The following PPP3CC variants were observed in gnomAD, a reference collection of about 807,000 sequenced individuals.
The protein encoded by PPP3CC is serine/threonine-protein phosphatase 2B catalytic subunit gamma isoform.
A neutral mutation model predicts 60.3 loss-of-function variants in PPP3CC; 35 were observed. The ratio of observed to expected loss-of-function variants is 0.58; its 90% CI spans 0.44 to 0.77. The LOEUF (loss-of-function observed/expected upper bound fraction) is 0.77, where lower values mean the gene tolerates loss of function less well. PPP3CC is among the 30% of genes least tolerant of loss of function. PPP3CC has a pLI of 0.00. For synonymous variants in PPP3CC, 206 were observed against 224.3 expected (o/e 0.92, Z 0.73); for missense variants, 570 against 628.9 (o/e 0.91, Z 1.00).
At chr8:22,442,683 C>A (rs759452800) in intron 1 of PPP3CC, among the ~76,000 whole-genome samples, 18 of 152,070 alleles carry the variant, frequency 1.2e-4, no homozygotes, top group Non-Finnish European at 2.1e-4. Context: ...ATTATTGTGA[C>A]CATTTAAATG....
chr8:22,503,451 G>A (rs1838819130), intron 4 of PPP3CC, among the ~76,000 whole-genome samples: 1 of 152,110 alleles, frequency 6.6e-6, no homozygotes, highest in African/African-American at 2.4e-5. Flanking sequence ...GCCTATGGCT[G>A]CCTTTGTTTT....
intron 1 of PPP3CC, among the ~76,000 whole-genome samples, chr8:22,446,476 G>A (rs1284617646): frequency 6.6e-6 from 1 of 152,218 alleles, no homozygotes; most frequent in African/African-American, 2.4e-5. Flanking sequence ...TTCCTAAGCA[G>A]TATTTGATAC....
At position 22,488,574 on chromosome 8, in the gene PPP3CC, C is replaced by T. The variant is rs992145453; in HGVS notation, c.373-9427C>T. ...AATGATTCTCAGATTGTCAACAGTG[C>T]CTGTGTTAGATTCTGGGGATCTAAC... On this transcript the variant is annotated intron_variant, in intron 3 of 13. Transcript: ENST00000240139. 2.0e-5 allele frequency among the ~76,000 whole-genome samples: 3 copies of T among 152,296 alleles called. 1 individual carries two copies. Among genetic ancestry groups the T allele is most frequent in the Admixed American group, 2.0e-4 (3 of 15,296 alleles).
chr8:22,530,326 G>T (rs919617704), intron 10 of PPP3CC, among the ~76,000 whole-genome samples: 2 of 151,402 alleles, frequency 1.3e-5, no homozygotes, highest in African/African-American at 4.9e-5. Context: ...GTGATGGCGA[G>T]TGCTTCTGGT....
Position 22,470,105 on chromosome 8 carries a change from C to G in PPP3CC, c.50-4849C>G, listed in dbSNP as rs1031691600. Among the ~76,000 whole-genome samples the G allele has an allele frequency of 2.0e-5, 3 of 151,196 alleles. No individual in the cohort carries two copies. The Admixed American group carries it at 2.0e-4, about 10-fold the overall frequency. On this transcript the variant is annotated intron_variant, in intron 1 of 13. Transcript: ENST00000240139. Reference sequence around the variant, plus strand: ...ACACACATACATATATATATGTTCTCTGCTGTATCATTTATTTATGTTTTC... The same window carrying G: ...ACACACATACATATATATATGTTCTGTGCTGTATCATTTATTTATGTTTTC...
chr8:22,530,871 A>G (rs2117143714), intron 10 of PPP3CC, among the ~76,000 whole-genome samples: 1 of 148,962 alleles, frequency 6.7e-6, no homozygotes, highest in South Asian at 2.1e-4. Flanking sequence ...GAACAATTAT[A>G]TCCCCTGAAA....
intron 6 of PPP3CC, among the ~76,000 whole-genome samples, chr8:22,521,792 T>A (rs1839411123): frequency 6.6e-6 from 1 of 151,990 alleles, no homozygotes; most frequent in Admixed American, 6.6e-5. Flanking sequence ...TTCAGAGAGG[T>A]AATAGTATGA....
chr8:22,507,983 G>A lies in PPP3CC; in HGVS notation c.485-3103G>A, dbSNP rs563964087. ...GTAATATAGGCCAGGTACAAGTGCA[G>A]TACCTCATGCCTGTAATCCCAGCAC... On this transcript the variant is annotated intron_variant, in intron 4 of 13. Transcript: ENST00000240139. Among the ~76,000 whole-genome samples the A allele has an allele frequency of 3.9e-5, 6 of 152,272 alleles. No homozygotes were observed. The South Asian group carries it at 1.0e-3, about 26-fold the overall frequency.
chr8:22,505,546 T>TA (rs968857092), intron 4 of PPP3CC, among the ~76,000 whole-genome samples: 1 of 152,148 alleles, frequency 6.6e-6, no homozygotes, highest in African/African-American at 2.4e-5. Flanking sequence ...AGGTAAATGT[T>TA]AAAAAAATTA....
rs1452065856 is a variant in PPP3CC, at chr8:22,475,264, T to A, written c.247+113T>A. 3 of 1,086,948 alleles carry A rather than the reference T, an allele frequency of 2.8e-6. No homozygotes were observed. The African/African-American group carries it at 4.8e-5, about 17-fold the overall frequency. The allele number at this position is 1,086,948 out of a possible 1,614,324, so 67.3% of individuals were successfully genotyped here. On this transcript the variant is annotated intron_variant, in intron 2 of 13. Transcript: ENST00000240139. ...GTGGTGTGGTAATTTTTCTAGAAAT[T>A]ATGAGACAGTCAGGATTGGTTAGGA... is the stretch of plus-strand genomic sequence containing the variant.
At chr8:22,455,808 G>A (rs1221534360) in intron 1 of PPP3CC, among the ~76,000 whole-genome samples, 1 of 151,992 alleles carries the variant, frequency 6.6e-6, no homozygotes, top group Non-Finnish European at 1.5e-5. Context: ...AGTGAGTTCT[G>A]TGACTATTAT....
At chr8:22,491,998 G>A (rs2461494) in intron 3 of PPP3CC, among the ~76,000 whole-genome samples, 137,316 of 152,164 alleles carry the variant, frequency 0.9, 62,194 homozygotes, top group African/African-American at 0.98. Context: ...GTCATGCATC[G>A]TTTAATAAGG....
At chr8:22,507,684 G>C (rs1381223280) in intron 4 of PPP3CC, among the ~76,000 whole-genome samples, 3 of 152,140 alleles carry the variant, frequency 2.0e-5, no homozygotes, top group Non-Finnish European at 4.4e-5. Context: ...GCATTATTCT[G>C]CATATTTTAC....
At chr8:22,499,762 C>T in intron 4 of PPP3CC, among the ~76,000 whole-genome samples, 1 of 152,214 alleles carries the variant, frequency 6.6e-6, no homozygotes, top group East Asian at 1.9e-4. Context: ...ATAAGACATA[C>T]ATTCTATTTC....
chr8:22,533,928 G>C (rs1375211632), intron 12 of PPP3CC, among the ~76,000 whole-genome samples: 1 of 152,048 alleles, frequency 6.6e-6, no homozygotes, highest in Non-Finnish European at 1.5e-5. Context: ...GCCGGGAGCG[G>C]TGGCTCACGC....
Position 22,441,324 on chromosome 8 carries a change from C to G in PPP3CC, c.-86C>G, listed in dbSNP as rs1836659402. 7.1e-7 allele frequency: 1 copy of G among 1,404,258 alleles called. No individual in the cohort carries two copies. The highest frequency in any genetic ancestry group is 1.3e-5 in the South Asian group (1 of 74,992). The allele number at this position is 1,404,258 out of a possible 1,614,324, so 87.0% of individuals were successfully genotyped here. A position where few individuals can be genotyped will look rare whatever the true frequency, so the allele number is the denominator to read the frequency against. On this transcript the variant is annotated 5_prime_UTR_variant, in exon 1 of 14. Transcript: ENST00000240139. ...ACGGCTGGCTGACGGCTCCGGGCAG[C>G]TAAGGCTGCCCGAGGAGAAGGCGGC... is the stretch of plus-strand genomic sequence containing the variant.
chr8:22,533,782 G>A (rs963854490), intron 12 of PPP3CC, among the ~76,000 whole-genome samples: 2 of 152,096 alleles, frequency 1.3e-5, no homozygotes, highest in Admixed American at 6.5e-5. Context: ...CCGAGATCGC[G>A]CCACTGCACT....
chr8:22,522,343 G>A (rs2469770), intron 6 of PPP3CC, 148 bp from the exon 7 acceptor site: 276,943 of 614,018 alleles, frequency 0.45, 63,572 homozygotes, highest in East Asian at 0.6. Flanking sequence ...AGAATGATGA[G>A]TACTAAGCTA....
intron 10 of PPP3CC, 118 bp downstream of exon 10, chr8:22,528,695 G>C (rs191446410): frequency 3.1e-4 from 235 of 757,450 alleles, no homozygotes; most frequent in Admixed American, 2.7e-3. Flanking sequence ...GTTCATTGTA[G>C]AAAAATAAAA....
Sources: gnomAD v4.1 joint callset for allele counts (sites outside exome capture counted in the v4.1 genomes callset) on GRCh38, gnomAD v4.1.1 for gene constraint, MANE v1.5 for transcripts, NCBI Gene and HGNC (gene_info 2026-07-23, HGNC 2026-07-21) for gene names.